HCRTR2: variants seen among roughly 807,000 people sequenced by gnomAD.
HCRTR2 encodes orexin receptor type 2.
HCRTR2 carries 22 observed loss-of-function variants against 49.0 expected under a neutral mutation model. That is an observed-to-expected ratio of 0.45 (90% CI 0.32 to 0.64). The LOEUF (loss-of-function observed/expected upper bound fraction) is 0.64, where lower values mean the gene tolerates loss of function less well. Ranked by LOEUF, HCRTR2 falls within the 30% of genes least tolerant of loss-of-function variation. The probability of loss-of-function intolerance (pLI) is 0.04; values close to 1 mark genes in which losing one functional copy is unlikely to be tolerated. For synonymous variants in HCRTR2, 236 were observed against 205.3 expected (o/e 1.15, Z -1.28); for missense variants, 491 against 559.4 (o/e 0.88, Z 1.23).
chr6:55,142,158 T>G (rs1178501517), intron 1 of HCRTR2, among the ~76,000 whole-genome samples: 3 of 152,130 alleles, frequency 2.0e-5, no homozygotes, highest in African/African-American at 7.2e-5. Context: ...AGAGAAATGA[T>G]GGCATTTGTC....
chr6:55,244,368 T>C (rs1160033751), intron 1 of HCRTR2, among the ~76,000 whole-genome samples: 1 of 151,894 alleles, frequency 6.6e-6, no homozygotes, highest in Non-Finnish European at 1.5e-5. Flanking sequence ...GGATAAAACA[T>C]ATAGGAGTAC....
chr6:55,279,937 G>C (rs1272703317), intron 5 of HCRTR2, among the ~76,000 whole-genome samples: 9 of 152,000 alleles, frequency 5.9e-5, no homozygotes, highest in South Asian at 4.1e-4. Context: ...AGTACTTGAA[G>C]ACTATCATTT....
At chr6:55,226,940 GAAGGATTCTTTTCATTAGCAAAGT>G (rs1311759385) in intron 1 of HCRTR2, among the ~76,000 whole-genome samples, 2 of 151,896 alleles carry the variant, frequency 1.3e-5, no homozygotes, top group African/African-American at 4.8e-5. Context: ...GAAGATTAGT[GAAGGATTCTTTTCATTAGCAAAGT>G]AACTTTTCTT....
At chr6:55,121,275 T>G (rs1216984437) in intron 1 of HCRTR2, among the ~76,000 whole-genome samples, 5 of 152,106 alleles carry the variant, frequency 3.3e-5, no homozygotes, top group Non-Finnish European at 7.4e-5. Flanking sequence ...GCTCTCTGTT[T>G]GTCTGTTATT....
At chr6:55,282,891 G>C (rs1767224988), downstream of HCRTR2, among the ~76,000 whole-genome samples, 1 of 151,922 alleles carries the variant, frequency 6.6e-6, no homozygotes, top group East Asian at 1.9e-4. Flanking sequence ...TGACTTAATA[G>C]TTTTTTTAAA....
At chr6:55,116,430 A>G (rs1764117626) in intron 1 of HCRTR2, among the ~76,000 whole-genome samples, 1 of 151,464 alleles carries the variant, frequency 6.6e-6, no homozygotes, top group Non-Finnish European at 1.5e-5. Context: ...AAAAGAGGCT[A>G]AAATACTTCT....
chr6:55,120,597 G>A (rs1405738874), intron 1 of HCRTR2, among the ~76,000 whole-genome samples: 3 of 150,308 alleles, frequency 2.0e-5, no homozygotes, highest in Non-Finnish European at 4.4e-5. Context: ...TTTCCACATT[G>A]ATTTTGTATC....
Position 55,255,184 on chromosome 6 carries a change from G to A in HCRTR2, c.451G>A (p.Asp151Asn), listed in dbSNP as rs1235001097. 6.2e-7 allele frequency: 1 copy of A among 1,613,910 alleles called. No individual in the cohort carries two copies. Among genetic ancestry groups the A allele is most frequent in the South Asian group, 1.1e-5 (1 of 91,070 alleles). The change falls in exon 3 of 7, where the codon GAT becomes AAT. Residue 151 changes from aspartate (D) to asparagine (N), a missense_variant. Transcript: ENST00000370862. ...CCTCACACTGAGCTGTATCGCCTTG[G>A]ATCGGTGGTATGCAATCTGTCACCC... ...SVLTLSCIAL[D>N]RWYAICHPLM...
At chr6:55,160,136 C>T (rs1581800250) in intron 1 of HCRTR2, among the ~76,000 whole-genome samples, 1 of 152,186 alleles carries the variant, frequency 6.6e-6, no homozygotes, top group Non-Finnish European at 1.5e-5. Flanking sequence ...AACAGTGGAT[C>T]TCCCTGCAGA....
rs188827750 is a variant in HCRTR2, at chr6:55,110,178, G to A, written c.-378+3633G>A. ...AGACTAATAAATGCTGAGAGAATTC[G>A]CCACTATCAAGCCAGCACTACAAGA... On this transcript the variant is annotated intron_variant, in intron 1 of 7. Transcript: ENST00000615358. 4.0e-4 allele frequency among the ~76,000 whole-genome samples: 61 copies of A among 152,112 alleles called. 1 individual carries two copies. The highest frequency in any genetic ancestry group is 9.2e-4 in the Admixed American group (14 of 15,260).
At chr6:55,192,391 ACACACACACACGCGCGCGCGCG>A (rs2127279053) in intron 1 of HCRTR2, among the ~76,000 whole-genome samples, 1 of 78,720 alleles carries the variant, frequency 1.3e-5, no homozygotes, top group East Asian at 5.3e-4. Flanking sequence ...CTTTCTCTAA[ACACACACACACGCGCGCGCGCG>A]CACACACACA....
intron 1 of HCRTR2, among the ~76,000 whole-genome samples, chr6:55,151,542 A>G (rs924195995): frequency 6.6e-6 from 1 of 151,962 alleles, no homozygotes; most frequent in Non-Finnish European, 1.5e-5. Flanking sequence ...TTCTTTTGCT[A>G]TTTCTACCAC....
intron 3 of HCRTR2, among the ~76,000 whole-genome samples, chr6:55,262,955 A>G (rs1766796323): frequency 6.6e-6 from 1 of 151,520 alleles, no homozygotes; most frequent in Non-Finnish European, 1.5e-5. Flanking sequence ...CTACAGTCCT[A>G]GAGGTGTTTA....
At chr6:55,133,693 C>CTA (rs769490856) in intron 1 of HCRTR2, among the ~76,000 whole-genome samples, 1 of 147,374 alleles carries the variant, frequency 6.8e-6, no homozygotes. Context: ...ATCTATCTAT[C>CTA]TATCTATCTA....
At chr6:55,198,021 T>A (rs1765448483) in intron 1 of HCRTR2, among the ~76,000 whole-genome samples, 1 of 152,144 alleles carries the variant, frequency 6.6e-6, no homozygotes, top group African/African-American at 2.4e-5. Context: ...CCTCTAATTC[T>A]AACAAGAAAC....
chr6:55,192,723 C>T (rs1466049872), intron 1 of HCRTR2, among the ~76,000 whole-genome samples: 1 of 152,144 alleles, frequency 6.6e-6, no homozygotes, highest in Non-Finnish European at 1.5e-5. Context: ...AATCCAATGG[C>T]CTTCCTCTTT....
chr6:55,255,280 A>G lies in HCRTR2; in HGVS notation c.547A>G (p.Ile183Val), dbSNP rs200667471. The G allele has an allele frequency of 2.5e-6, 4 of 1,613,934 alleles. No individual in the cohort carries two copies. Among genetic ancestry groups the G allele is most frequent in the African/African-American group, 1.3e-5 (1 of 74,882 alleles). ...CATCATCTGGATTGTCTCCTGCATTATAATGATTCCTCAGGCCATCGTCAT... is the reference window on the plus strand; with the variant it reads ...CATCATCTGGATTGTCTCCTGCATTGTAATGATTCCTCAGGCCATCGTCAT... ...IVIIWIVSCI[I>V]MIPQAIVMEC... is the part of the protein sequence containing the mutation. The change falls in exon 3 of 7, where the codon ATA becomes GTA. Residue 183 changes from isoleucine to valine, a missense_variant. Transcript: ENST00000370862.
At chr6:55,117,348 A>G (rs1417614868) in intron 1 of HCRTR2, among the ~76,000 whole-genome samples, 1 of 151,820 alleles carries the variant, frequency 6.6e-6, no homozygotes, top group Non-Finnish European at 1.5e-5. Flanking sequence ...GTTGAATCAA[A>G]CAGATCTAAA....
At chr6:55,192,413 GCA>G (rs1554171107) in intron 1 of HCRTR2, among the ~76,000 whole-genome samples, 2,230 of 128,472 alleles carry the variant, frequency 0.017, 39 homozygotes, top group African/African-American at 0.051. Flanking sequence ...GCGCGCGCGC[GCA>G]CACACACACA....
Sources: gnomAD v4.1 joint callset for allele counts (sites outside exome capture counted in the v4.1 genomes callset) on GRCh38, gnomAD v4.1.1 for gene constraint, MANE v1.5 for transcripts, NCBI Gene and HGNC (gene_info 2026-07-23, HGNC 2026-07-21) for gene names.